Variants in PTPRD observed in about 807,000 individuals in gnomAD.
PTPRD encodes the protein receptor-type tyrosine-protein phosphatase delta.
A neutral mutation model predicts 214.5 loss-of-function variants in PTPRD; 34 were observed. The observed-to-expected ratio is 0.16, with a 90% confidence interval of 0.12 to 0.21. The LOEUF is 0.21. Among genes scored for constraint, PTPRD ranks in the 10% least tolerant of loss-of-function variants. The pLI is 1.00. For missense variants in PTPRD, 2,545 were observed against 2,398.7 expected, an observed-to-expected ratio of 1.06 and a Z score of -1.27; for synonymous variants, 1,128 against 845.7, an observed-to-expected ratio of 1.33 and a Z score of -5.79.
chr9:9,355,888 A>C (rs1176620137), intron 9 of PTPRD, among the ~76,000 whole-genome samples: 1 of 151,540 alleles, frequency 6.6e-6, no homozygotes, highest in Non-Finnish European at 1.5e-5. Context: ...GAAAAGCCAA[A>C]GTGTGTAGTA....
At chr9:9,617,774 T>A (rs971893698) in intron 7 of PTPRD, among the ~76,000 whole-genome samples, 3 of 151,944 alleles carry the variant, frequency 2.0e-5, no homozygotes, top group African/African-American at 7.3e-5. Context: ...TGACTTTTTT[T>A]AAGAAATATG....
At chr9:8,702,342 T>C (rs1375825316) in intron 12 of PTPRD, among the ~76,000 whole-genome samples, 1 of 152,182 alleles carries the variant, frequency 6.6e-6, no homozygotes, top group African/African-American at 2.4e-5. Flanking sequence ...TGCCTTATCT[T>C]CTGTGGTCTT....
At chr9:9,005,302 A>G (rs545910394) in intron 11 of PTPRD, among the ~76,000 whole-genome samples, 1 of 152,236 alleles carries the variant, frequency 6.6e-6, no homozygotes, top group East Asian at 1.9e-4. Context: ...TAAAATGCAG[A>G]TAAAACAGCA....
intron 7 of PTPRD, among the ~76,000 whole-genome samples, chr9:9,718,915 C>T (rs1047834511): frequency 6.6e-6 from 1 of 151,942 alleles, no homozygotes; most frequent in Non-Finnish European, 1.5e-5. Flanking sequence ...TAATGGCAGC[C>T]GGAGGCAGAC....
intron 3 of PTPRD, among the ~76,000 whole-genome samples, chr9:10,321,195 A>C (rs993365719): frequency 6.6e-6 from 1 of 152,080 alleles, no homozygotes; most frequent in African/African-American, 2.4e-5. Flanking sequence ...AATGATAATA[A>C]CTACTCCAAA....
At chr9:8,907,627 T>C (rs1467942868) in intron 11 of PTPRD, among the ~76,000 whole-genome samples, 1 of 150,154 alleles carries the variant, frequency 6.7e-6, no homozygotes, top group East Asian at 1.9e-4. Context: ...AACAACTAGA[T>C]GGAAATTTTT....
At chr9:9,972,519 T>A (rs59260462) in intron 4 of PTPRD, among the ~76,000 whole-genome samples, 3,365 of 152,312 alleles carry the variant, frequency 0.022, 108 homozygotes, top group African/African-American at 0.075. Context: ...AGTGCCTATT[T>A]GTACAAAGTC....
At chr9:9,709,822 A>G (rs1419428572) in intron 7 of PTPRD, among the ~76,000 whole-genome samples, 3 of 152,118 alleles carry the variant, frequency 2.0e-5, no homozygotes, top group Non-Finnish European at 4.4e-5. Context: ...ATTTAGAGAT[A>G]TTCCATTACA....
chr9:9,337,768 T>C (rs1425770509), intron 9 of PTPRD, among the ~76,000 whole-genome samples: 2 of 152,218 alleles, frequency 1.3e-5, no homozygotes, highest in Non-Finnish European at 2.9e-5. Context: ...TTCATTTAAA[T>C]TGTTCTCTTG....
chr9:10,430,878 A>C (rs921635516), intron 2 of PTPRD, among the ~76,000 whole-genome samples: 15 of 151,980 alleles, frequency 9.9e-5, no homozygotes, highest in African/African-American at 3.4e-4. Context: ...ACACTTAGTG[A>C]TAAAGAAAAG....
chr9:8,429,559 G>A (rs914197684), intron 35 of PTPRD, among the ~76,000 whole-genome samples: 14 of 152,186 alleles, frequency 9.2e-5, no homozygotes, highest in African/African-American at 3.1e-4. Flanking sequence ...CTCTACAAAG[G>A]TGTAATACAT....
intron 5 of PTPRD, among the ~76,000 whole-genome samples, chr9:9,777,346 C>CACACACAA (rs1555042654): frequency 2.5e-4 from 38 of 152,022 alleles, no homozygotes; most frequent in Middle Eastern, 3.4e-3. Flanking sequence ...CACACACACA[C>CACACACAA]ACACACACCC....
At chr9:9,307,613 C>G (rs1332894541) in intron 9 of PTPRD, among the ~76,000 whole-genome samples, 1 of 152,136 alleles carries the variant, frequency 6.6e-6, no homozygotes, top group Non-Finnish European at 1.5e-5. Flanking sequence ...CCCATTATTT[C>G]TTGACTACCC....
rs182873371 is a variant in PTPRD at position 8,864,382 on chromosome 9, G to T, written c.-103-130436C>A. Among the ~76,000 whole-genome samples, 297 of 152,294 alleles carry T rather than the reference G, an allele frequency of 2.0e-3. 4 individuals carry two copies. Among genetic ancestry groups the T allele is most frequent in the African/African-American group, 6.7e-3 (280 of 41,558 alleles). On this transcript the variant is annotated intron_variant, in intron 11 of 45. Transcript: ENST00000381196. ...CTCACAATCCACTACTCTAGAGGGT[G>T]CTGAATCTCCTTAATGAAAGAATGT... is the stretch of plus-strand genomic sequence containing the variant.
At chr9:9,396,350 T>C (rs981409225) in intron 9 of PTPRD, among the ~76,000 whole-genome samples, 1 of 152,040 alleles carries the variant, frequency 6.6e-6, no homozygotes, top group Non-Finnish European at 1.5e-5. Flanking sequence ...GAAATGCATA[T>C]TATTGGGCCT....
chr9:8,328,114 G>C (rs772141686), intron 44 of PTPRD, among the ~76,000 whole-genome samples: 1 of 152,108 alleles, frequency 6.6e-6, no homozygotes, highest in Non-Finnish European at 1.5e-5. Context: ...TCCCAGCATC[G>C]ATGGTCTTTA....
chr9:9,513,643 T>C (rs1436716569), intron 8 of PTPRD, among the ~76,000 whole-genome samples: 1 of 151,278 alleles, frequency 6.6e-6, no homozygotes, highest in African/African-American at 2.4e-5. Context: ...CACACTTTCC[T>C]GAATATTCTT....
chr9:10,472,620 T>C (rs2099038395), intron 2 of PTPRD, among the ~76,000 whole-genome samples: 1 of 152,128 alleles, frequency 6.6e-6, no homozygotes, highest in African/African-American at 2.4e-5. Flanking sequence ...AACTCTGCTA[T>C]GTGTAATAAC....
chr9:10,518,966 G>A (rs535747983), intron 2 of PTPRD, among the ~76,000 whole-genome samples: 31 of 151,670 alleles, frequency 2.0e-4, no homozygotes, highest in African/African-American at 7.3e-4. Flanking sequence ...TTCTTTTTCT[G>A]GGTAGATTAT....
Sources: allele counts gnomAD v4.1 joint callset (sites outside exome capture counted in the v4.1 genomes callset), GRCh38; gene constraint gnomAD v4.1.1; transcripts MANE v1.5; gene names NCBI Gene and HGNC (gene_info 2026-07-23, HGNC 2026-07-21).